The following MICALL1 variants were observed in gnomAD, a reference collection of about 807,000 sequenced individuals.
The protein encoded by MICALL1 is MICAL like 1, also known as MICAL-like protein 1.
In MICALL1, 61 loss-of-function variants were observed where a neutral mutation model predicts 83.7. The observed-to-expected ratio is 0.73, with a 90% CI of 0.59 to 0.90. The LOEUF (loss-of-function observed/expected upper bound fraction) is 0.90. Ranked by LOEUF, MICALL1 falls within the 40% of genes least tolerant of loss-of-function variation. MICALL1 has a pLI of 0.00. For synonymous variants in MICALL1, 481 were observed against 473.6 expected (o/e 1.02, Z -0.20); for missense variants, 1,066 against 1,152.0 (o/e 0.93, Z 1.08).
intron 13 of MICALL1, among the ~76,000 whole-genome samples, chr22:37,934,600 TA>T (rs1929983965): frequency 2.0e-5 from 3 of 151,336 alleles, no homozygotes; most frequent in African/African-American, 7.3e-5. Context: ...TATTTATTAT[TA>T]TTATTTTTTT....
chr22:37,928,497 C>T (rs1929614772), intron 9 of MICALL1, among the ~76,000 whole-genome samples: 1 of 152,354 alleles, frequency 6.6e-6, no homozygotes. Flanking sequence ...TGAGCCACTG[C>T]CCCCGGCTGT....
At chr22:37,911,031 G>C (rs1253483386) in intron 1 of MICALL1, among the ~76,000 whole-genome samples, 2 of 152,200 alleles carry the variant, frequency 1.3e-5, no homozygotes, top group Non-Finnish European at 2.9e-5. Flanking sequence ...CCAGGAGGCT[G>C]CCCGGCGGGA....
intron 15 of MICALL1, 110 bp downstream of exon 15, chr22:37,937,902 T>A: frequency 7.2e-7 from 1 of 1,385,506 alleles, no homozygotes; most frequent in Non-Finnish European, 1.0e-6. Flanking sequence ...CCAGGATGGC[T>A]GTGCACAAAC....
At chr22:37,936,673 A>T (rs1163753266) in intron 13 of MICALL1, among the ~76,000 whole-genome samples, 2 of 152,202 alleles carry the variant, frequency 1.3e-5, no homozygotes, top group Non-Finnish European at 2.9e-5. Flanking sequence ...CGGGTGGATC[A>T]CGAGGTCAGG....
chr22:37,933,809 AG>A (rs1929934417), intron 13 of MICALL1, among the ~76,000 whole-genome samples: 1 of 152,200 alleles, frequency 6.6e-6, no homozygotes, highest in African/African-American at 2.4e-5. Context: ...CCATCTTGAC[AG>A]ATGGGAAGTG....
rs1414401770 is a variant in MICALL1 at position 37,912,001 on chromosome 22, G to A, written c.195+1G>A. 7 of 1,614,082 alleles carry A rather than the reference G, an allele frequency of 4.3e-6. No homozygotes were observed. Among genetic ancestry groups the A allele is most frequent in the Non-Finnish European group, 5.9e-6 (7 of 1,180,022 alleles). On this transcript the variant is annotated splice_donor_variant, in intron 2 of 15. Coordinates refer to ENST00000215957, the MANE Select transcript of MICALL1 (RefSeq NM_033386.4). LOFTEE classifies it high-confidence loss of function. The stretch of plus-strand genomic sequence containing the variant: ...CAATGTCTTCGAGAATAACCGTTTG[G>A]TAAGTTCCCGGACAGGTGGAAGCCC...
intron 2 of MICALL1, 23 bp from the exon 3 acceptor site, chr22:37,912,328 C>T (rs1928382479): frequency 1.3e-6 from 2 of 1,596,892 alleles, no homozygotes; most frequent in Non-Finnish European, 1.7e-6. Flanking sequence ...CTGCTCCCGC[C>T]CTTGTACCTG....
At chr22:37,927,289 C>T (rs1194373072) in intron 8 of MICALL1, 122 bp from the exon 9 acceptor site, 2 of 1,185,338 alleles carry the variant, frequency 1.7e-6, no homozygotes, top group East Asian at 2.6e-5. Context: ...GGCCCTGTCT[C>T]GATGTGGAGG....
At chr22:37,939,160 C>T (rs1205288076) in intron 15 of MICALL1, among the ~76,000 whole-genome samples, 1 of 152,194 alleles carries the variant, frequency 6.6e-6, no homozygotes, top group Non-Finnish European at 1.5e-5. Flanking sequence ...AGTCCCAGCT[C>T]TGGCACTTAT....
rs1331277117 is a variant in MICALL1, at chr22:37,914,816, A to G, written c.337+2324A>G. ...GCAACCACACCCAGCTAACTTTTAT[A>G]TTTTTTGTAGAGGTGGAGTATCACC... is the stretch of plus-strand genomic sequence containing the variant. On this transcript the variant is annotated intron_variant, in intron 3 of 15. Transcript: ENST00000215957. 4.0e-5 allele frequency among the ~76,000 whole-genome samples: 6 copies of G among 151,088 alleles called. No individual in the cohort carries two copies. The South Asian group carries it at 8.3e-4, about 21-fold the overall frequency.
In MICALL1 at chr22:37,930,575, C is replaced by T. The variant is rs539782393; in HGVS notation, c.1882-1224C>T. Among the ~76,000 whole-genome samples the T allele has an allele frequency of 6.6e-6, 1 of 152,196 alleles. No individual in the cohort carries two copies. Among genetic ancestry groups the T allele is most frequent in the South Asian group, 2.1e-4 (1 of 4,836 alleles). On this transcript the variant is annotated intron_variant, in intron 9 of 15. Coordinates refer to ENST00000215957, the MANE Select transcript of MICALL1 (RefSeq NM_033386.4). This position sits in a 1 kb window ranked among gnomAD's most constrained non-coding sequence, Gnocchi z 4.8. Reference sequence around the variant, plus strand: ...TCAGGTGAGGCCTCTGTAAGGGGCTCGCAGTGACGTCTGTTTCCAATGAGC... The same window carrying T: ...TCAGGTGAGGCCTCTGTAAGGGGCTTGCAGTGACGTCTGTTTCCAATGAGC...
rs529180777 is a variant in MICALL1, at chr22:37,929,380, A to G, written c.1881+1554A>G. The stretch of plus-strand genomic sequence containing the variant: ...AGGCGCTCCCAGCCAGGTCAGGGGG[A>G]GGTGCTATAATGTACATGCTGCTGT... On this transcript the variant is annotated intron_variant, in intron 9 of 15. Coordinates refer to ENST00000215957, the MANE Select transcript of MICALL1 (RefSeq NM_033386.4). Among the ~76,000 whole-genome samples, 7 of 152,004 alleles carry G rather than the reference A, an allele frequency of 4.6e-5. No homozygotes were observed. In the East Asian group the frequency reaches 1.4e-3, roughly 30 times the overall value.
In MICALL1 at chr22:37,919,171, T is replaced by G. The variant is rs762393624; in HGVS notation, c.562T>G (p.Cys188Gly). 2.6e-6 allele frequency: 4 copies of G among 1,534,638 alleles called. No individual in the cohort carries two copies. Among genetic ancestry groups the G allele is most frequent in the South Asian group, 1.2e-5 (1 of 83,048 alleles). ...TGACGGCAGGCTGTACCATCGCCAC[T>G]GCTTCCGGTGAGTGGCCAGGGCCGC... ...LADGRLYHRH[C>G]FRCRRCSSTL... Residue 188 changes from cysteine (C) to glycine (G), a missense_variant, in exon 5 of 16, where the codon TGC becomes GGC. By Grantham distance (159) the Cys-to-Gly change is radical. Transcript: ENST00000215957.
Position 37,906,614 on chromosome 22 carries a change from G to A in MICALL1, c.146+46G>A. 1.7e-6 allele frequency: 2 copies of A among 1,144,966 alleles called. No homozygotes were observed. Among genetic ancestry groups the A allele is most frequent in the African/African-American group, 3.3e-5 (2 of 61,140 alleles). 70.9% of individuals were successfully genotyped at this position (1,144,966 alleles called of 1,614,324 possible). On this transcript the variant is annotated intron_variant, in intron 1 of 15. Coordinates refer to ENST00000215957, the MANE Select transcript of MICALL1 (RefSeq NM_033386.4). The surrounding 1 kb of genome is among the most constrained non-coding windows in gnomAD (Gnocchi z 4.4). ...GAGCGGGCGGCGCGGGGCGGGCTGGGGCCGCGACCGCCGCCCCCCCTCAGT... is the reference window on the plus strand; with the variant it reads ...GAGCGGGCGGCGCGGGGCGGGCTGGAGCCGCGACCGCCGCCCCCCCTCAGT...
At position 37,930,724 on chromosome 22, in the gene MICALL1, C is replaced by T. The variant is rs143647318; in HGVS notation, c.1882-1075C>T. On this transcript the variant is annotated intron_variant, in intron 9 of 15. Coordinates refer to ENST00000215957, the MANE Select transcript of MICALL1 (RefSeq NM_033386.4). The surrounding 1 kb of genome is among the most constrained non-coding windows in gnomAD (Gnocchi z 4.8). ...GAGGGCGGGGGTCTCCCCAGAGGCA[C>T]GGAAGGATGCAGAGCCTGGGCTCTG... 4.6e-5 allele frequency among the ~76,000 whole-genome samples: 7 copies of T among 152,276 alleles called. No homozygotes were observed. In the East Asian group the frequency reaches 7.7e-4, roughly 17 times the overall value.
chr22:37,909,723 G>A (rs1248816763), intron 1 of MICALL1, among the ~76,000 whole-genome samples: 1 of 152,210 alleles, frequency 6.6e-6, no homozygotes, highest in Non-Finnish European at 1.5e-5. Flanking sequence ...GGGTGGCTCC[G>A]CTTCTGAGAT....
intron 9 of MICALL1, among the ~76,000 whole-genome samples, chr22:37,928,385 T>G (rs1038476401): frequency 5.9e-5 from 9 of 151,852 alleles, no homozygotes; most frequent in Non-Finnish European, 1.0e-4. Flanking sequence ...TTTTTGTATT[T>G]TTAGTAGAGA....
Position 37,906,397 on chromosome 22 carries a change from G to A in MICALL1, c.-26G>A. 9.2e-7 allele frequency: 1 copy of A among 1,090,874 alleles called. No homozygotes were observed. Among genetic ancestry groups the A allele is most frequent in the Non-Finnish European group, 1.1e-6 (1 of 898,334 alleles). 67.6% of individuals were successfully genotyped at this position (1,090,874 alleles called of 1,614,324 possible). On this transcript the variant is annotated 5_prime_UTR_variant, in exon 1 of 16. Coordinates refer to ENST00000215957, the MANE Select transcript of MICALL1 (RefSeq NM_033386.4). The surrounding 1 kb of genome is among the most constrained non-coding windows in gnomAD (Gnocchi z 4.4). ...GCCAAGCCGGGGCCCCGAAGCCAGAGCCGGAGCCGGGCGGGCCGCGGGGTC... is the reference window on the plus strand; with the variant it reads ...GCCAAGCCGGGGCCCCGAAGCCAGAACCGGAGCCGGGCGGGCCGCGGGGTC...
rs553473664 is a variant in MICALL1 at position 37,908,795 on chromosome 22, G to A, written c.146+2227G>A. On this transcript the variant is annotated intron_variant, in intron 1 of 15. Coordinates refer to ENST00000215957, the MANE Select transcript of MICALL1 (RefSeq NM_033386.4). The stretch of plus-strand genomic sequence containing the variant: ...TGTACCCTATCAGAGGGCTGGGGGT[G>A]GGAGACCTCCTAGGGAGAATATAGT... Among the ~76,000 whole-genome samples the A allele has an allele frequency of 2.6e-4, 39 of 152,236 alleles. 1 individual carries two copies. In the South Asian group the frequency reaches 8.1e-3, roughly 32 times the overall value.
Sources: gnomAD v4.1 joint callset for allele counts (sites outside exome capture counted in the v4.1 genomes callset) on GRCh38, gnomAD v4.1.1 for gene constraint, Gnocchi (gnomAD v3.1) non-coding constraint, MANE v1.5 for transcripts, NCBI Gene and HGNC (gene_info 2026-07-23, HGNC 2026-07-21) for gene names.